The following AGAP1 variants were observed in gnomAD, a reference collection of about 807,000 sequenced individuals.
AGAP1 encodes ArfGAP with GTPase domain, ankyrin repeat and PH domain 1.
In AGAP1, 29 loss-of-function variants were observed where a neutral mutation model predicts 105.3. The observed-to-expected ratio is 0.28, with a 90% CI of 0.21 to 0.38. The LOEUF (loss-of-function observed/expected upper bound fraction) is 0.38. AGAP1 is among the 10% of genes least tolerant of loss of function. The pLI is 1.00. For missense variants in AGAP1, 998 were observed against 1,165.1 expected (o/e 0.86, Z 2.09); for synonymous variants, 509 against 485.9 (o/e 1.05, Z -0.63).
chr2:236,011,769 T>C (rs1382241365), intron 13 of AGAP1, among the ~76,000 whole-genome samples: 1 of 152,170 alleles, frequency 6.6e-6, no homozygotes, highest in Non-Finnish European at 1.5e-5. Flanking sequence ...AGTTTTAGTC[T>C]ATTGCTAGTC....
intron 16 of AGAP1, among the ~76,000 whole-genome samples, chr2:236,108,803 C>A (rs2059570950): frequency 6.6e-6 from 1 of 152,090 alleles, no homozygotes; most frequent in Non-Finnish European, 1.5e-5. Context: ...CTGCCACACA[C>A]AGCGGCCCCT....
At chr2:235,790,759 A>T (rs930863981) in intron 6 of AGAP1, among the ~76,000 whole-genome samples, 1 of 152,126 alleles carries the variant, frequency 6.6e-6, no homozygotes, top group Non-Finnish European at 1.5e-5. Context: ...TTGTGTGCCC[A>T]CTGAGTGTCA....
chr2:235,975,375 G>T (rs565276965), intron 13 of AGAP1, among the ~76,000 whole-genome samples: 1 of 152,210 alleles, frequency 6.6e-6, no homozygotes, highest in South Asian at 2.1e-4. Flanking sequence ...GCAATACGTG[G>T]GTGCGTGGAA....
At chr2:235,654,480 T>C (rs1181223301) in intron 1 of AGAP1, among the ~76,000 whole-genome samples, 1 of 152,240 alleles carries the variant, frequency 6.6e-6, no homozygotes, top group African/African-American at 2.4e-5. Context: ...ACGCCACTGA[T>C]TGAATGATGA....
chr2:235,898,725 A>G (rs2050926127), intron 10 of AGAP1, among the ~76,000 whole-genome samples: 1 of 152,188 alleles, frequency 6.6e-6, no homozygotes, highest in African/African-American at 2.4e-5. Flanking sequence ...CCCTCGCAAC[A>G]GTATCATGAA....
In AGAP1 at chr2:236,096,566, TTTTATTTTTTA is replaced by T. The variant is rs1190704599; in HGVS notation, c.2115-23611_2115-23601del. ...ATGCCAGTGCAGACAAATGATGCAG[TTTTATTTTTTA>T]TTTATTTTTTATTTTTTTGGGACAG... On this transcript the variant is annotated intron_variant, in intron 16 of 17. Coordinates refer to ENST00000304032, the MANE Select transcript of AGAP1 (RefSeq NM_001037131.3). The surrounding 1 kb of genome is among the most constrained non-coding windows in gnomAD (Gnocchi z 4.4). Among the ~76,000 whole-genome samples, 1 of 151,640 alleles carries T rather than the reference TTTTATTTTTTA, an allele frequency of 6.6e-6. No individual in the cohort carries two copies. The highest frequency in any genetic ancestry group is 1.9e-4 in the East Asian group (1 of 5,136).
intron 1 of AGAP1, among the ~76,000 whole-genome samples, chr2:235,564,764 G>A (rs1944289054): frequency 2.8e-5 from 4 of 141,290 alleles, no homozygotes; most frequent in African/African-American, 8.5e-5. Flanking sequence ...CCAGGTGTGA[G>A]CCTGGACCAG....
chr2:235,875,343 G>C lies in AGAP1; in HGVS notation c.1051-8002G>C, dbSNP rs746385190. On this transcript the variant is annotated intron_variant, in intron 9 of 17. Coordinates refer to ENST00000304032, the MANE Select transcript of AGAP1 (RefSeq NM_001037131.3). This position sits in a 1 kb window ranked among gnomAD's most constrained non-coding sequence, Gnocchi z 4.0. ...GCACTTTGGGTTCCTGAGATCTTAG[G>C]ATAAAAGCCCACCGAGGTGCGAGTC... is the stretch of plus-strand genomic sequence containing the variant. Among the ~76,000 whole-genome samples, 3 of 152,076 alleles carry C rather than the reference G, an allele frequency of 2.0e-5. No homozygotes were observed. The highest frequency in any genetic ancestry group is 4.4e-5 in the Non-Finnish European group (3 of 68,014).
At chr2:235,604,544 A>T in intron 1 of AGAP1, among the ~76,000 whole-genome samples, 1 of 136,716 alleles carries the variant, frequency 7.3e-6, no homozygotes, top group Admixed American at 7.4e-5. Context: ...TAGGTTGCAC[A>T]TTCGTGTTTC....
At chr2:235,738,563 C>CTTTTTT (rs749327124) in intron 3 of AGAP1, among the ~76,000 whole-genome samples, 1 of 144,098 alleles carries the variant, frequency 6.9e-6, no homozygotes, top group East Asian at 2.0e-4. Context: ...TTCTTTCTTT[C>CTTTTTT]TTTTTTTTTT....
At chr2:236,033,809 A>G (rs2057298027) in intron 13 of AGAP1, among the ~76,000 whole-genome samples, 1 of 152,264 alleles carries the variant, frequency 6.6e-6, no homozygotes, top group Admixed American at 6.5e-5. Flanking sequence ...ATGACTGGCT[A>G]GAGCCAGACA....
Position 235,733,444 on chromosome 2 carries a change from G to C in AGAP1, c.311-7519G>C, listed in dbSNP as rs1207776481. 6.6e-6 allele frequency among the ~76,000 whole-genome samples: 1 copy of C among 152,180 alleles called. No individual in the cohort carries two copies. Among genetic ancestry groups the C allele is most frequent in the Admixed American group, 6.5e-5 (1 of 15,282 alleles). On this transcript the variant is annotated intron_variant, in intron 3 of 17. Coordinates refer to ENST00000304032, the MANE Select transcript of AGAP1 (RefSeq NM_001037131.3). The surrounding 1 kb of genome is among the most constrained non-coding windows in gnomAD (Gnocchi z 5.0). Reference sequence around the variant, plus strand: ...CAAATCTTCCTTTTTGTTCCTTAGAGCCTGCGTTTTTTGAGGTTTATTATG... The same window carrying C: ...CAAATCTTCCTTTTTGTTCCTTAGACCCTGCGTTTTTTGAGGTTTATTATG...
intron 1 of AGAP1, among the ~76,000 whole-genome samples, chr2:235,598,407 G>A (rs1374507143): frequency 6.6e-6 from 1 of 152,154 alleles, no homozygotes. Context: ...TTATTTAGAA[G>A]TTTGGTGATG....
intron 1 of AGAP1, among the ~76,000 whole-genome samples, chr2:235,673,463 G>GTT (rs1242826730): frequency 1.3e-5 from 2 of 152,204 alleles, no homozygotes; most frequent in Non-Finnish European, 2.9e-5. Flanking sequence ...AATGGTGTGT[G>GTT]TTATATAGAA....
At position 235,934,271 on chromosome 2, in the gene AGAP1, TA is replaced by T. The variant is rs2052876012; in HGVS notation, c.1483+3350del. Among the ~76,000 whole-genome samples, 2 of 152,164 alleles carry T rather than the reference TA, an allele frequency of 1.3e-5. No individual in the cohort carries two copies. Among genetic ancestry groups the T allele is most frequent in the African/African-American group, 4.8e-5 (2 of 41,438 alleles). ...TGCTGAAGCTTGGGAACCACTGCTG[TA>T]AGTCCTCACTTCCCAAAGCCTGGTC... is the stretch of plus-strand genomic sequence containing the variant. On this transcript the variant is annotated intron_variant, in intron 12 of 17. Transcript: ENST00000304032. This position sits in a 1 kb window ranked among gnomAD's most constrained non-coding sequence, Gnocchi z 4.9.
intron 6 of AGAP1, among the ~76,000 whole-genome samples, chr2:235,764,745 C>T (rs1575384077): frequency 1.2e-5 from 1 of 85,810 alleles, no homozygotes; most frequent in Non-Finnish European, 2.3e-5. Context: ...TGGGAGCGCC[C>T]GTGGGGTGGG....
chr2:235,837,689 A>G (rs1034746610), intron 9 of AGAP1, among the ~76,000 whole-genome samples: 1 of 152,186 alleles, frequency 6.6e-6, no homozygotes, highest in African/African-American at 2.4e-5. Context: ...TATTGTCATG[A>G]TCTCTGTATT....
chr2:235,500,503 T>A (rs1011773303), intron 1 of AGAP1, among the ~76,000 whole-genome samples: 3 of 152,208 alleles, frequency 2.0e-5, no homozygotes, highest in Non-Finnish European at 4.4e-5. Flanking sequence ...CTTGGTATCA[T>A]CTCTGGGCCG....
intron 1 of AGAP1, among the ~76,000 whole-genome samples, chr2:235,500,920 G>T (rs1437645327): frequency 6.6e-6 from 1 of 152,144 alleles, no homozygotes; most frequent in Non-Finnish European, 1.5e-5. Context: ...TTCAGAAAGC[G>T]TGCAGTTTAT....
Sources: gnomAD v4.1 joint callset for allele counts (sites outside exome capture counted in the v4.1 genomes callset) on GRCh38, gnomAD v4.1.1 for gene constraint, Gnocchi (gnomAD v3.1) non-coding constraint, MANE v1.5 for transcripts, NCBI Gene and HGNC (gene_info 2026-07-23, HGNC 2026-07-21) for gene names.